Variants in DCDC1 observed in about 807,000 individuals in gnomAD.
DCDC1 encodes doublecortin domain-containing protein 1.
A neutral mutation model predicts 178.3 loss-of-function variants in DCDC1; 200 were observed. The ratio of observed to expected loss-of-function variants is 1.12; its 90% CI spans 1.00 to 1.26. DCDC1 has a LOEUF of 1.26. DCDC1 is among the 50% of genes most tolerant of loss of function. The pLI, the probability that DCDC1 is intolerant of heterozygous loss-of-function variation, is 0.00. For missense variants in DCDC1, 1,983 were observed against 1,749.2 expected (o/e 1.13, Z -2.38); for synonymous variants, 690 against 604.8 (o/e 1.14, Z -2.07).
chr11:31,222,415 T>G (rs1974377402), intron 9 of DCDC1, among the ~76,000 whole-genome samples: 1 of 152,136 alleles, frequency 6.6e-6, no homozygotes, highest in Non-Finnish European at 1.5e-5. Context: ...CTCACCAGAA[T>G]TACTCTTAAC....
intron 17 of DCDC1, among the ~76,000 whole-genome samples, chr11:31,090,961 A>G (rs1957785304): frequency 6.6e-6 from 1 of 152,180 alleles, no homozygotes; most frequent in Non-Finnish European, 1.5e-5. Context: ...AATAAGAAGG[A>G]CACTTACAGT....
chr11:31,174,964 G>T (rs1235336174), intron 9 of DCDC1, among the ~76,000 whole-genome samples: 1 of 152,178 alleles, frequency 6.6e-6, no homozygotes, highest in Non-Finnish European at 1.5e-5. Context: ...CTGCCAAATG[G>T]CAGGGCTAAA....
rs759128271 is a variant in DCDC1 at position 30,922,604 on chromosome 11, G to C, written c.3032C>G (p.Pro1011Arg). The C allele has an allele frequency of 6.3e-7, 1 of 1,575,342 alleles. No homozygotes were observed. The highest frequency in any genetic ancestry group is 8.6e-7 in the Non-Finnish European group (1 of 1,166,110). The change falls in exon 24 of 39, where the codon CCT becomes CGT. Residue 1011 changes from proline to arginine, a missense_variant. By Grantham distance (103) the Pro-to-Arg change is moderately radical (BLOSUM62 -2). Coordinates refer to ENST00000684477, the MANE Select transcript of DCDC1 (RefSeq NM_001387274.1). Reference sequence around the variant, plus strand: ...CTTTTGCTGAGCAATGGACAGGTCAGGATTGATCCAGAGTTCTCCACATGA... The same window carrying C: ...CTTTTGCTGAGCAATGGACAGGTCACGATTGATCCAGAGTTCTCCACATGA... ...YVSCGELWIN[P>R]DLSIAQQKKQ... is the part of the protein sequence containing the mutation.
chr11:31,009,259 T>TATG (rs1462903438), intron 20 of DCDC1, among the ~76,000 whole-genome samples: 7 of 152,198 alleles, frequency 4.6e-5, no homozygotes, highest in African/African-American at 1.7e-4. Flanking sequence ...GAAGGTATAA[T>TATG]AGTTCATATC....
intron 9 of DCDC1, among the ~76,000 whole-genome samples, chr11:31,176,870 C>G (rs1002513223): frequency 6.6e-6 from 1 of 152,118 alleles, no homozygotes; most frequent in Admixed American, 6.5e-5. Context: ...AATTCATCAC[C>G]ATTAGGCTGG....
At chr11:31,128,050 ATATTT>A (rs1351746789) in intron 10 of DCDC1, among the ~76,000 whole-genome samples, 1 of 152,040 alleles carries the variant, frequency 6.6e-6, no homozygotes, top group Non-Finnish European at 1.5e-5. Flanking sequence ...CCTTTTTAGA[ATATTT>A]TATTTTATTA....
In DCDC1 at chr11:30,863,642, C is replaced by G. The variant is rs969179030; in HGVS notation, c.*1731G>C. ...CATGGTTTATTGTTTTTGAATAAAACAAAATAAGATATTACTACAGAGAAA... is the reference window on the plus strand; with the variant it reads ...CATGGTTTATTGTTTTTGAATAAAAGAAAATAAGATATTACTACAGAGAAA... On this transcript the variant is annotated 3_prime_UTR_variant, in exon 39 of 39. Transcript: ENST00000684477. The G allele has an allele frequency of 7.2e-5, 11 of 152,114 alleles. No homozygotes were observed. The highest frequency in any genetic ancestry group is 2.7e-4 in the African/African-American group (11 of 41,438). 9.4% of individuals were successfully genotyped at this position (152,114 alleles called of 1,614,324 possible). A position where few individuals can be genotyped will look rare whatever the true frequency, so the allele number is the denominator to read the frequency against.
Position 31,367,307 on chromosome 11 carries a change from A to G in DCDC1, c.-125+2390T>C, listed in dbSNP as rs572685867. On this transcript the variant is annotated intron_variant, in intron 1 of 38. Transcript: ENST00000684477. ...GGGCAAGACTCTGTCTCAAACAAGC[A>G]AACAAAAAGATAAAACAAATGCAAG... is the stretch of plus-strand genomic sequence containing the variant. 8.5e-5 allele frequency among the ~76,000 whole-genome samples: 13 copies of G among 152,376 alleles called. No individual in the cohort carries two copies. In the South Asian group the frequency reaches 2.5e-3, roughly 29 times the overall value.
At chr11:31,045,646 C>G (rs1954794211) in intron 20 of DCDC1, among the ~76,000 whole-genome samples, 1 of 152,072 alleles carries the variant, frequency 6.6e-6, no homozygotes, top group Non-Finnish European at 1.5e-5. Context: ...ACCATTCTTT[C>G]AGAGGTTCAA....
chr11:31,266,122 A>G (rs1379446416), intron 7 of DCDC1, among the ~76,000 whole-genome samples: 2 of 152,144 alleles, frequency 1.3e-5, no homozygotes, highest in Non-Finnish European at 2.9e-5. Context: ...TAATAAAAAC[A>G]GTCTGATCAC....
At chr11:30,948,799 A>C (rs1423578234) in intron 21 of DCDC1, among the ~76,000 whole-genome samples, 1 of 152,046 alleles carries the variant, frequency 6.6e-6, no homozygotes. Flanking sequence ...ACTGGCTAGC[A>C]ATATGCAGAA....
At chr11:31,147,236 A>T (rs1964543502) in intron 9 of DCDC1, among the ~76,000 whole-genome samples, 3 of 152,152 alleles carry the variant, frequency 2.0e-5, no homozygotes. Flanking sequence ...TCCTCACTCC[A>T]GCAAAGGTTC....
At chr11:31,027,015 T>C (rs561704555) in intron 20 of DCDC1, among the ~76,000 whole-genome samples, 4 of 151,838 alleles carry the variant, frequency 2.6e-5, no homozygotes, top group South Asian at 2.1e-4. Flanking sequence ...TTCAACTTCA[T>C]TGCATACTTC....
At position 31,328,141 on chromosome 11, in the gene DCDC1, T is replaced by G. The variant is rs924582973; in HGVS notation, c.140A>C (p.Lys47Thr). Residue 47 changes from lysine (K) to threonine (T), a missense_variant, in exon 3 of 39, where the codon AAA (lysine) becomes ACA (threonine). Transcript: ENST00000684477. Reference sequence around the variant, plus strand: ...CCTTGGTAAATCATTCAAAATATATTTGTAAATTGGGTTTACAGTATTCCC... The same window carrying G: ...CCTTGGTAAATCATTCAAAATATATGTGTAAATTGGGTTTACAGTATTCCC... ...LDGNTVNPIY[K>T]YILNDLPREF... 6.2e-7 allele frequency: 1 copy of G among 1,606,034 alleles called. No homozygotes were observed. The highest frequency in any genetic ancestry group is 1.3e-5 in the African/African-American group (1 of 74,718).
chr11:30,899,601 T>A lies in DCDC1; in HGVS notation c.4705A>T (p.Lys1569Ter). The change falls in exon 34 of 39, where the codon AAA (lysine) becomes TAA (stop). Residue 1569 changes from lysine (K) to a stop codon, truncating the protein, a stop_gained. Transcript: ENST00000684477. LOFTEE classifies it high-confidence loss of function. ...AGATCAGCCAAAATTCTGTCCTTTT[T>A]TAGCCAGTTCTGTTTCTCTAATTTT... ...AEKLEKQNWL[K>*]KDRILADLDT... The A allele has an allele frequency of 6.3e-7, 1 of 1,580,164 alleles. No homozygotes were observed. The highest frequency in any genetic ancestry group is 8.6e-7 in the Non-Finnish European group (1 of 1,162,264).
At chr11:31,165,532 A>T (rs1356541634) in intron 9 of DCDC1, among the ~76,000 whole-genome samples, 2 of 152,120 alleles carry the variant, frequency 1.3e-5, no homozygotes, top group African/African-American at 4.8e-5. Context: ...GCTGATCTTG[A>T]ACTCCTAGCC....
intron 20 of DCDC1, among the ~76,000 whole-genome samples, chr11:30,988,529 C>A (rs916355833): frequency 5.3e-5 from 8 of 152,116 alleles, no homozygotes; most frequent in African/African-American, 1.9e-4. Context: ...CTGTATCTAA[C>A]TGCTTCCCTC....
chr11:31,130,462 C>T (rs1428568461), intron 10 of DCDC1, among the ~76,000 whole-genome samples: 2 of 152,092 alleles, frequency 1.3e-5, no homozygotes, highest in Non-Finnish European at 2.9e-5. Context: ...CCCATGAAAA[C>T]AGTAATGTCC....
intron 9 of DCDC1, among the ~76,000 whole-genome samples, chr11:31,231,969 A>C (rs2136785789): frequency 6.6e-6 from 1 of 152,318 alleles, no homozygotes. Context: ...TTCCAAACTC[A>C]ATGACTTGCT....
Sources: allele counts gnomAD v4.1 joint callset (sites outside exome capture counted in the v4.1 genomes callset), GRCh38; gene constraint gnomAD v4.1.1; transcripts MANE v1.5; gene names NCBI Gene and HGNC (gene_info 2026-07-23, HGNC 2026-07-21).